Variants in MAP4K4 observed in about 807,000 individuals in gnomAD.
The protein encoded by MAP4K4 is HPK/GCK-like kinase HGK.
A neutral mutation model predicts 189.6 loss-of-function variants in MAP4K4; 38 were observed. That is an observed-to-expected ratio of 0.20 (90% CI 0.15 to 0.26). MAP4K4 has a LOEUF of 0.26. MAP4K4 is among the 10% of genes least tolerant of loss of function. The pLI, the probability that MAP4K4 is intolerant of heterozygous loss-of-function variation, is 1.00. For synonymous variants in MAP4K4, 610 were observed against 624.3 expected, an observed-to-expected ratio of 0.98 and a Z score of 0.34; for missense variants, 1,054 against 1,726.9, an observed-to-expected ratio of 0.61 and a Z score of 6.91.
intron 2 of MAP4K4, among the ~76,000 whole-genome samples, chr2:101,737,258 G>A (rs541597963): frequency 1.3e-5 from 2 of 151,794 alleles, no homozygotes; most frequent in South Asian, 4.2e-4. Context: ...GGCCAGAGCT[G>A]TGGGTTTTCT....
chr2:101,735,592 A>G (rs754812296), intron 2 of MAP4K4, among the ~76,000 whole-genome samples: 2 of 152,150 alleles, frequency 1.3e-5, no homozygotes, highest in African/African-American at 4.8e-5. Flanking sequence ...GGTCAAGGCA[A>G]AAAGGTGGGC....
At chr2:101,871,598 T>C in exon 24 of MAP4K4, 1 of 1,536,334 alleles carries the variant, frequency 6.5e-7, no homozygotes, top group Non-Finnish European at 8.7e-7. Flanking sequence ...CCTCCTCCAC[T>C]TCCTCCACCT....
At chr2:101,848,539 C>T (rs1348468092) in intron 12 of MAP4K4, among the ~76,000 whole-genome samples, 1 of 152,188 alleles carries the variant, frequency 6.6e-6, no homozygotes, top group Admixed American at 6.5e-5. Context: ...AGCAGACTGG[C>T]AAAACATGAT....
At chr2:101,794,248 T>C (rs1489020377) in intron 3 of MAP4K4, among the ~76,000 whole-genome samples, 1 of 152,218 alleles carries the variant, frequency 6.6e-6, no homozygotes, top group Non-Finnish European at 1.5e-5. Flanking sequence ...GGAGGTCTCA[T>C]GTACCGTTCA....
chr2:101,732,048 CA>C (rs1191550605), intron 2 of MAP4K4, among the ~76,000 whole-genome samples: 5 of 151,982 alleles, frequency 3.3e-5, no homozygotes, highest in African/African-American at 1.2e-4. Context: ...GCTGGTTCTG[CA>C]AGTTTTTATG....
At chr2:101,852,394 T>G (rs1022834824) in intron 12 of MAP4K4, among the ~76,000 whole-genome samples, 1 of 152,122 alleles carries the variant, frequency 6.6e-6, no homozygotes, top group African/African-American at 2.4e-5. Context: ...AGTATTGAAT[T>G]TCTCTTCTGA....
chr2:101,783,949 T>C (rs958679801), intron 2 of MAP4K4, among the ~76,000 whole-genome samples: 9 of 152,240 alleles, frequency 5.9e-5, no homozygotes, highest in African/African-American at 1.7e-4. Flanking sequence ...GGGGGATTCA[T>C]TGTGCTCACC....
Position 101,867,268 on chromosome 2 carries a change from C to T in MAP4K4, c.2413C>T (p.Pro805Ser), listed in dbSNP as rs749961363. Reference sequence around the variant, plus strand: ...GCGCCTGGAAAATGCAGTGAAAAAACCTGAAGATAAAAAGGAAGTTTTCAG... The same window carrying T: ...GCGCCTGGAAAATGCAGTGAAAAAATCTGAAGATAAAAAGGAAGTTTTCAG... Residue 805 changes from proline to serine, a missense_variant, in exon 20 of 33, where the codon CCT (proline) becomes TCT (serine). By Grantham distance (74) the Pro-to-Ser change is moderately conservative. This residue lies in a region of MAP4K4 where 646 missense variants were observed against 796.2 expected (regional missense o/e 0.81). Coordinates refer to ENST00000324219, the Ensembl canonical transcript of MAP4K4. The T allele has an allele frequency of 2.5e-6, 4 of 1,607,848 alleles. No individual in the cohort carries two copies. In the South Asian group the frequency reaches 4.5e-5, roughly 18 times the overall value.
At chr2:101,753,433 C>T (rs569656461) in intron 2 of MAP4K4, among the ~76,000 whole-genome samples, 2 of 152,308 alleles carry the variant, frequency 1.3e-5, no homozygotes, top group African/African-American at 4.8e-5. Flanking sequence ...GTGCTGCTTG[C>T]AGGCAAGAGG....
chr2:101,857,228 T>A (rs1028263197), intron 13 of MAP4K4, among the ~76,000 whole-genome samples: 16 of 152,182 alleles, frequency 1.1e-4, no homozygotes, highest in African/African-American at 3.6e-4. Context: ...ATAGCAAGTA[T>A]TTGGCACCAC....
In MAP4K4 at chr2:101,812,252, A is replaced by G. The variant is rs908385335; in HGVS notation, c.181-11676A>G. Among the ~76,000 whole-genome samples the G allele has an allele frequency of 1.6e-4, 25 of 152,208 alleles. 1 individual carries two copies. Among genetic ancestry groups the G allele is most frequent in the African/African-American group, 5.5e-4 (23 of 41,458 alleles). The stretch of plus-strand genomic sequence containing the variant: ...TAGCCAGACTGACTCAGGGGACTCC[A>G]TGCAGACTTTGCATGTGTTTTGCTT... On this transcript the variant is annotated intron_variant, in intron 3 of 32. Transcript: ENST00000324219.
At chr2:101,781,404 CTGAG>C (rs2087362142) in intron 2 of MAP4K4, among the ~76,000 whole-genome samples, 1 of 152,144 alleles carries the variant, frequency 6.6e-6, no homozygotes, top group Admixed American at 6.5e-5. Context: ...CCACCACAGA[CTGAG>C]TACTTTAAAT....
At chr2:101,740,429 CAGGCG>C (rs2062191689) in intron 2 of MAP4K4, among the ~76,000 whole-genome samples, 1 of 151,208 alleles carries the variant, frequency 6.6e-6, no homozygotes, top group African/African-American at 2.5e-5. Flanking sequence ...GCTGGGATTA[CAGGCG>C]TGAGCCACCG....
chr2:101,816,838 G>C (rs1042808451), intron 3 of MAP4K4, among the ~76,000 whole-genome samples: 1 of 152,112 alleles, frequency 6.6e-6, no homozygotes, highest in Non-Finnish European at 1.5e-5. Context: ...CTGCACAACT[G>C]ACCATTGGTT....
intron 28 of MAP4K4, among the ~76,000 whole-genome samples, chr2:101,884,871 T>C (rs2098459353): frequency 1.3e-5 from 2 of 152,206 alleles, no homozygotes; most frequent in African/African-American, 4.8e-5. Flanking sequence ...TTGTTACTCA[T>C]TTGGAGTAAT....
At chr2:101,870,596 G>T in intron 23 of MAP4K4, 181 bp downstream of exon 23, 1 of 695,042 alleles carries the variant, frequency 1.4e-6, no homozygotes, top group Non-Finnish European at 2.3e-6. Context: ...TGCCCAGAAG[G>T]TAGCGAGTAG....
intron 5 of MAP4K4, among the ~76,000 whole-genome samples, chr2:101,826,771 C>A (rs1383198337): frequency 1.3e-5 from 2 of 152,144 alleles, no homozygotes; most frequent in African/African-American, 4.8e-5. Flanking sequence ...TACATACCAA[C>A]CCTTTGAAAT....
At chr2:101,721,769 C>T (rs1475437521) in intron 2 of MAP4K4, among the ~76,000 whole-genome samples, 2 of 152,120 alleles carry the variant, frequency 1.3e-5, no homozygotes, top group Non-Finnish European at 2.9e-5. Flanking sequence ...CCTTTCGACC[C>T]ACCTGCTCAG....
intron 2 of MAP4K4, among the ~76,000 whole-genome samples, chr2:101,698,912 C>T (rs2036418611): frequency 6.6e-6 from 1 of 152,144 alleles, no homozygotes; most frequent in South Asian, 2.1e-4. Context: ...TTGCCTCTGA[C>T]GATCCTAAAC....
Sources: allele counts gnomAD v4.1 joint callset (sites outside exome capture counted in the v4.1 genomes callset), GRCh38; gene constraint gnomAD v4.1.1; regional missense constraint gnomAD v4.1.1; transcripts MANE v1.5; gene names NCBI Gene and HGNC (gene_info 2026-07-23, HGNC 2026-07-21).